Variants in NTM observed in about 807,000 individuals in gnomAD.
NTM encodes the protein neurotrimin.
NTM carries 13 observed loss-of-function variants against 42.1 expected under a neutral mutation model. The observed-to-expected ratio is 0.31, with a 90% CI of 0.20 to 0.49. The LOEUF (loss-of-function observed/expected upper bound fraction) is 0.49. NTM is among the 20% of genes least tolerant of loss of function. NTM has a pLI of 0.99. For synonymous variants in NTM, 187 were observed against 179.2 expected (o/e 1.04, Z -0.35); for missense variants, 373 against 452.8 (o/e 0.82, Z 1.60).
chr11:131,497,404 G>A (rs1955462860), intron 1 of NTM, among the ~76,000 whole-genome samples: 1 of 152,074 alleles, frequency 6.6e-6, no homozygotes, highest in East Asian at 1.9e-4. Flanking sequence ...GCCCAGGCTG[G>A]TCTTGAACTC....
chr11:131,845,570 G>A (rs771035785), intron 1 of NTM, among the ~76,000 whole-genome samples: 2 of 151,364 alleles, frequency 1.3e-5, no homozygotes, highest in Non-Finnish European at 2.9e-5. Flanking sequence ...AGTTTGAAAA[G>A]CTGGTTTACA....
chr11:131,670,834 G>A (rs141017980), intron 1 of NTM, among the ~76,000 whole-genome samples: 178 of 152,270 alleles, frequency 1.2e-3, no homozygotes, highest in African/African-American at 4.1e-3. Context: ...CGGCGAGGTG[G>A]CTGTGTGATC....
intron 2 of NTM, among the ~76,000 whole-genome samples, chr11:131,970,046 G>A (rs920710499): frequency 6.6e-6 from 1 of 152,180 alleles, no homozygotes; most frequent in Non-Finnish European, 1.5e-5. Context: ...CTGGGCCCAA[G>A]TAATTCTCCT....
At chr11:131,527,001 C>A (rs1398708244) in intron 1 of NTM, among the ~76,000 whole-genome samples, 1 of 152,196 alleles carries the variant, frequency 6.6e-6, no homozygotes, top group Non-Finnish European at 1.5e-5. Flanking sequence ...CAGCCAGGAG[C>A]AGTTTAGTTG....
intron 1 of NTM, among the ~76,000 whole-genome samples, chr11:131,707,404 C>A (rs2076698800): frequency 6.6e-6 from 1 of 152,030 alleles, no homozygotes; most frequent in African/African-American, 2.4e-5. Flanking sequence ...CATTGATGGA[C>A]ACTTAGTTGC....
chr11:132,217,757 C>T (rs1229762074), intron 4 of NTM, among the ~76,000 whole-genome samples: 2 of 151,958 alleles, frequency 1.3e-5, no homozygotes, highest in Admixed American at 1.3e-4. Context: ...TTTGACTGCC[C>T]TGTTTCTTTT....
chr11:131,568,090 G>A (rs146991658), intron 1 of NTM, among the ~76,000 whole-genome samples: 9 of 152,320 alleles, frequency 5.9e-5, no homozygotes, highest in Non-Finnish European at 8.8e-5. Context: ...CTCGACAGCC[G>A]AAGGAGGAAA....
At chr11:131,910,879 GGGC>G in intron 1 of NTM, 1 of 985,328 alleles carries the variant, frequency 1.0e-6, no homozygotes, top group African/African-American at 1.7e-5. Flanking sequence ...GCAGGATCCC[GGGC>G]CCGGATCGCA....
chr11:131,881,213 C>T (rs1001328694), intron 1 of NTM, among the ~76,000 whole-genome samples: 1 of 152,082 alleles, frequency 6.6e-6, no homozygotes, highest in Non-Finnish European at 1.5e-5. Context: ...CATTCCATTG[C>T]CCTCATTCAC....
chr11:132,043,958 A>ATGTGTGTGTGTGTGTG (rs71067353), intron 2 of NTM, among the ~76,000 whole-genome samples: 7 of 146,270 alleles, frequency 4.8e-5, no homozygotes, highest in Admixed American at 6.8e-5. Flanking sequence ...GACACCAACT[A>ATGTGTGTGTGTGTGTG]TGTGTGTGTG....
At chr11:131,720,749 T>C (rs1203947472) in intron 1 of NTM, among the ~76,000 whole-genome samples, 1 of 152,198 alleles carries the variant, frequency 6.6e-6, no homozygotes, top group Non-Finnish European at 1.5e-5. Flanking sequence ...AACTTCCAAC[T>C]GTGAAACAGG....
intron 1 of NTM, among the ~76,000 whole-genome samples, chr11:131,640,376 C>A (rs1319850295): frequency 1.3e-5 from 2 of 152,164 alleles, no homozygotes; most frequent in Non-Finnish European, 2.9e-5. Flanking sequence ...GAAGACGCAG[C>A]CTTTGTTCGT....
At chr11:132,032,261 G>T (rs929699732) in intron 2 of NTM, among the ~76,000 whole-genome samples, 1 of 152,138 alleles carries the variant, frequency 6.6e-6, no homozygotes, top group African/African-American at 2.4e-5. Context: ...GTTCTGTGAT[G>T]CTCTGGCTTT....
At chr11:132,300,805 G>A (rs937904706) in intron 4 of NTM, among the ~76,000 whole-genome samples, 8 of 152,162 alleles carry the variant, frequency 5.3e-5, no homozygotes, top group African/African-American at 1.9e-4. Context: ...GTATTTCTTG[G>A]AGTCCCTGTT....
At chr11:132,268,790 A>AAAG (rs1378268371) in intron 4 of NTM, among the ~76,000 whole-genome samples, 5 of 152,048 alleles carry the variant, frequency 3.3e-5, no homozygotes, top group Non-Finnish European at 7.4e-5. Flanking sequence ...ATAGAAGGAA[A>AAAG]AAGTCCAGTT....
At chr11:131,555,401 G>C (rs1190832326) in intron 1 of NTM, among the ~76,000 whole-genome samples, 1 of 152,090 alleles carries the variant, frequency 6.6e-6, no homozygotes, top group East Asian at 1.9e-4. Flanking sequence ...TCTATATTGA[G>C]GGCAGTCTTT....
chr11:131,937,057 G>A (rs1361737815), intron 2 of NTM, among the ~76,000 whole-genome samples: 1 of 152,096 alleles, frequency 6.6e-6, no homozygotes, highest in African/African-American at 2.4e-5. Flanking sequence ...AACTCTTTAG[G>A]TTTCAGCTAT....
intron 1 of NTM, among the ~76,000 whole-genome samples, chr11:131,883,062 C>T (rs1187725911): frequency 1.3e-5 from 2 of 152,154 alleles, no homozygotes; most frequent in East Asian, 3.9e-4. Context: ...ATGGCAGCAC[C>T]TGCCAAAAGG....
chr11:132,062,691 G>T (rs1566059356), intron 2 of NTM, among the ~76,000 whole-genome samples: 1 of 152,204 alleles, frequency 6.6e-6, no homozygotes, highest in East Asian at 1.9e-4. Context: ...TACACAGTGA[G>T]AAGACTTCAG....
Sources: gnomAD v4.1 joint callset for allele counts (sites outside exome capture counted in the v4.1 genomes callset) on GRCh38, gnomAD v4.1.1 for gene constraint, MANE v1.5 for transcripts, NCBI Gene and HGNC (gene_info 2026-07-23, HGNC 2026-07-21) for gene names.